The following DOK6 variants were observed in gnomAD, a reference collection of about 807,000 sequenced individuals.
DOK6 encodes docking protein 6.
In DOK6, 22 loss-of-function variants were observed where a neutral mutation model predicts 44.0. The ratio of observed to expected loss-of-function variants is 0.50; its 90% CI spans 0.36 to 0.71. DOK6 has a LOEUF of 0.71. Ranked by LOEUF, DOK6 falls within the 30% of genes least tolerant of loss-of-function variation. DOK6 has a pLI of 0.00. For synonymous variants in DOK6, 166 were observed against 145.5 expected (o/e 1.14, Z -1.01); for missense variants, 340 against 416.4 (o/e 0.82, Z 1.60).
At chr18:69,541,469 T>C (rs912314275) in intron 1 of DOK6, among the ~76,000 whole-genome samples, 6 of 151,508 alleles carry the variant, frequency 4.0e-5, no homozygotes, top group African/African-American at 1.4e-4. Flanking sequence ...TTTCCAATCA[T>C]TTATGAGAGA....
At chr18:69,735,648 C>A (rs1978580673) in intron 5 of DOK6, among the ~76,000 whole-genome samples, 1 of 152,200 alleles carries the variant, frequency 6.6e-6, no homozygotes, top group Non-Finnish European at 1.5e-5. Flanking sequence ...GCATGCAGCA[C>A]CCCCAGGACT....
intron 5 of DOK6, among the ~76,000 whole-genome samples, chr18:69,719,963 G>T (rs1205167519): frequency 6.6e-6 from 1 of 152,142 alleles, no homozygotes; most frequent in Non-Finnish European, 1.5e-5. Flanking sequence ...GCCAAGGCAG[G>T]CAGATCACCT....
intron 6 of DOK6, among the ~76,000 whole-genome samples, chr18:69,755,214 T>C (rs1290048874): frequency 2.6e-5 from 4 of 151,686 alleles, no homozygotes; most frequent in Non-Finnish European, 4.4e-5. Flanking sequence ...TGTGGAAGAG[T>C]TATTATCCAG....
intron 1 of DOK6, among the ~76,000 whole-genome samples, chr18:69,553,089 AT>A (rs756736034): frequency 1.4e-4 from 21 of 152,240 alleles, no homozygotes; most frequent in Non-Finnish European, 7.3e-5. Context: ...TAACATTGTG[AT>A]TTTAAAATAT....
rs573828948 is a variant in DOK6, at chr18:69,798,143, G to A, written c.856+40270G>A. On this transcript the variant is annotated intron_variant, in intron 7 of 7. Transcript: ENST00000382713. Reference sequence around the variant, plus strand: ...AGATAAATTGCAAGGAAAATAAAGGGATGAAGAGGGAACCTGTAGATTAAA... The same window carrying A: ...AGATAAATTGCAAGGAAAATAAAGGAATGAAGAGGGAACCTGTAGATTAAA... Among the ~76,000 whole-genome samples the A allele has an allele frequency of 2.6e-5, 4 of 152,242 alleles. No homozygotes were observed. The East Asian group carries it at 5.8e-4, about 22-fold the overall frequency.
At chr18:69,491,631 C>T (rs186354156) in intron 1 of DOK6, among the ~76,000 whole-genome samples, 66 of 152,224 alleles carry the variant, frequency 4.3e-4, no homozygotes, top group African/African-American at 1.4e-3. Flanking sequence ...GTTAGCAGTG[C>T]GTTTCCTAAG....
chr18:69,536,782 G>A (rs180961546), intron 1 of DOK6, among the ~76,000 whole-genome samples: 156 of 151,944 alleles, frequency 1.0e-3, no homozygotes, highest in African/African-American at 3.2e-3. Flanking sequence ...ACTTTTAACA[G>A]CGATTTAGTT....
chr18:69,522,052 G>C (rs141515486), intron 1 of DOK6, among the ~76,000 whole-genome samples: 144 of 151,952 alleles, frequency 9.5e-4, no homozygotes, highest in Admixed American at 2.6e-3. Flanking sequence ...ATAACTAAAA[G>C]TTCCAGTGTT....
intron 1 of DOK6, among the ~76,000 whole-genome samples, chr18:69,562,826 T>C (rs1982870479): frequency 6.6e-6 from 1 of 152,140 alleles, no homozygotes; most frequent in African/African-American, 2.4e-5. Context: ...AAAGAGCTTC[T>C]GCACAGCAAA....
At chr18:69,553,514 G>A (rs1982615484) in intron 1 of DOK6, among the ~76,000 whole-genome samples, 1 of 152,128 alleles carries the variant, frequency 6.6e-6, no homozygotes, top group Non-Finnish European at 1.5e-5. Context: ...AGTTTTCATA[G>A]CACCACTTGG....
At chr18:69,721,678 C>A (rs949756466) in intron 5 of DOK6, among the ~76,000 whole-genome samples, 1 of 151,934 alleles carries the variant, frequency 6.6e-6, no homozygotes, top group Non-Finnish European at 1.5e-5. Context: ...AAGCTGTCTC[C>A]CTTGGAAGGA....
intron 2 of DOK6, among the ~76,000 whole-genome samples, chr18:69,578,697 A>G (rs2144608167): frequency 6.6e-6 from 1 of 152,334 alleles, no homozygotes; most frequent in East Asian, 1.9e-4. Context: ...TGCATAATAT[A>G]TGACAGATGC....
rs111694470 is a variant in DOK6 at position 69,592,638 on chromosome 18, T to A, written c.175-6746T>A. On this transcript the variant is annotated intron_variant, in intron 2 of 7. Transcript: ENST00000382713. ...TTTGGATGTGAACAACCTGAATTAT[T>A]TTCAAGTAATTTTTCCTTCAATTCA... 7.6e-3 allele frequency among the ~76,000 whole-genome samples: 1,155 copies of A among 152,296 alleles called. 18 individuals are homozygous for A. The highest frequency in any genetic ancestry group is 0.026 in the African/African-American group (1,079 of 41,576).
chr18:69,431,058 C>A (rs1211304594), intron 1 of DOK6, among the ~76,000 whole-genome samples: 1 of 152,138 alleles, frequency 6.6e-6, no homozygotes, highest in Non-Finnish European at 1.5e-5. Context: ...GTGACAAAAT[C>A]AGGTTTATTA....
chr18:69,535,204 A>G (rs972759192), intron 1 of DOK6, among the ~76,000 whole-genome samples: 3 of 152,044 alleles, frequency 2.0e-5, no homozygotes, highest in African/African-American at 7.2e-5. Context: ...ATTTCCTTAG[A>G]TCTTTCAAAA....
chr18:69,609,664 C>T (rs1166062546), intron 3 of DOK6, among the ~76,000 whole-genome samples: 1 of 130,576 alleles, frequency 7.7e-6, no homozygotes, highest in African/African-American at 2.7e-5. Flanking sequence ...CTGGCAATCC[C>T]ATTTCTGAGT....
intron 5 of DOK6, among the ~76,000 whole-genome samples, chr18:69,703,748 A>ACAAG (rs2144708215): frequency 6.6e-6 from 1 of 152,310 alleles, no homozygotes; most frequent in South Asian, 2.1e-4. Context: ...ACATTCTCCA[A>ACAAG]CAAGCATACT....
At chr18:69,604,575 TC>T (rs1161471572) in intron 3 of DOK6, among the ~76,000 whole-genome samples, 3 of 152,182 alleles carry the variant, frequency 2.0e-5, no homozygotes, top group African/African-American at 7.2e-5. Context: ...TATGTATAGA[TC>T]TAAGTCTGCT....
At chr18:69,554,487 C>T (rs1982641059) in intron 1 of DOK6, among the ~76,000 whole-genome samples, 1 of 152,140 alleles carries the variant, frequency 6.6e-6, no homozygotes, top group African/African-American at 2.4e-5. Flanking sequence ...TTGAGATTTG[C>T]ACGTGAGGTT....
Sources: gnomAD v4.1 joint callset for allele counts (sites outside exome capture counted in the v4.1 genomes callset) on GRCh38, gnomAD v4.1.1 for gene constraint, MANE v1.5 for transcripts, NCBI Gene and HGNC (gene_info 2026-07-23, HGNC 2026-07-21) for gene names.